Variants in SAMD12 observed in about 807,000 individuals in gnomAD.
The protein encoded by SAMD12 is sterile alpha motif domain-containing protein 12.
A neutral mutation model predicts 15.0 loss-of-function variants in SAMD12; 9 were observed. The ratio of observed to expected loss-of-function variants is 0.60; its 90% CI spans 0.36 to 1.05. The LOEUF is 1.05. Among genes scored for constraint, SAMD12 ranks in the 50% least tolerant of loss-of-function variants. The pLI, the probability that SAMD12 is intolerant of heterozygous loss-of-function variation, is 0.01. For missense variants in SAMD12, 230 were observed against 234.2 expected (o/e 0.98, Z 0.12); for synonymous variants, 86 against 90.1 (o/e 0.96, Z 0.25).
chr8:118,386,171 G>A (rs184592076), intron 3 of SAMD12, among the ~76,000 whole-genome samples: 1 of 152,258 alleles, frequency 6.6e-6, no homozygotes, highest in Admixed American at 6.5e-5. Flanking sequence ...ATTCCTCAGA[G>A]TTCTGGAAGT....
intron 2 of SAMD12, among the ~76,000 whole-genome samples, chr8:118,554,467 G>A: frequency 6.7e-6 from 1 of 150,014 alleles, no homozygotes; most frequent in African/African-American, 2.5e-5. Context: ...CTCATTCATA[G>A]GTGGGAATTG....
chr8:118,185,104 T>C (rs1819221207), downstream of SAMD12, among the ~76,000 whole-genome samples: 1 of 152,174 alleles, frequency 6.6e-6, no homozygotes, highest in South Asian at 2.1e-4. Context: ...GAAAAACTGC[T>C]TCTATAACAC....
intron 2 of SAMD12, among the ~76,000 whole-genome samples, chr8:118,545,595 C>T (rs1043417690): frequency 8.5e-5 from 13 of 152,126 alleles, no homozygotes; most frequent in African/African-American, 1.7e-4. Flanking sequence ...ATAGTCTTCG[C>T]CCAAAGTGGA....
At chr8:118,576,352 C>T (rs1489088877) in intron 2 of SAMD12, among the ~76,000 whole-genome samples, 1 of 152,206 alleles carries the variant, frequency 6.6e-6, no homozygotes, top group Non-Finnish European at 1.5e-5. Flanking sequence ...CCATGCTACT[C>T]ACTCCAGCAT....
intron 4 of SAMD12, among the ~76,000 whole-genome samples, chr8:118,370,835 C>A (rs537961067): frequency 2.6e-5 from 4 of 152,008 alleles, no homozygotes; most frequent in African/African-American, 9.7e-5. Flanking sequence ...TAATGCATGC[C>A]GGGCTTAATA....
chr8:118,520,207 C>A (rs980437267), intron 2 of SAMD12, among the ~76,000 whole-genome samples: 2 of 151,784 alleles, frequency 1.3e-5, no homozygotes, highest in East Asian at 3.9e-4. Flanking sequence ...AAGTACAGTA[C>A]CTGCTTTTAG....
chr8:118,206,249 T>C (rs1819860054), intron 4 of SAMD12, among the ~76,000 whole-genome samples: 1 of 152,184 alleles, frequency 6.6e-6, no homozygotes, highest in African/African-American at 2.4e-5. Context: ...CTTGGCAAAA[T>C]CCATGAACAC....
the SAMD12 span, among the ~76,000 whole-genome samples, chr8:118,135,559 T>C: frequency 2.7e-5 from 4 of 147,920 alleles, no homozygotes; most frequent in South Asian, 8.7e-4. Flanking sequence ...TTTTTCTTTT[T>C]TGAGACATGT....
At chr8:118,399,317 A>G (rs1199258377) in intron 3 of SAMD12, among the ~76,000 whole-genome samples, 1 of 152,126 alleles carries the variant, frequency 6.6e-6, no homozygotes, top group African/African-American at 2.4e-5. Context: ...AATTCCCAGC[A>G]ATAATTAGTT....
chr8:118,374,734 G>A (rs991220278), downstream of SAMD12, among the ~76,000 whole-genome samples: 1 of 152,094 alleles, frequency 6.6e-6, no homozygotes, highest in Non-Finnish European at 1.5e-5. Flanking sequence ...TAGTGATGTT[G>A]AGCATCACTT....
At chr8:118,274,259 A>T (rs888812707) in intron 4 of SAMD12, among the ~76,000 whole-genome samples, 1 of 151,964 alleles carries the variant, frequency 6.6e-6, no homozygotes, top group Non-Finnish European at 1.5e-5. Flanking sequence ...AATTTGGTCA[A>T]ATTCTTATTT....
At chr8:118,404,304 C>T (rs1227946664) in intron 3 of SAMD12, among the ~76,000 whole-genome samples, 1 of 152,144 alleles carries the variant, frequency 6.6e-6, no homozygotes, top group African/African-American at 2.4e-5. Context: ...ATTTACCTTG[C>T]TTGGTATTCT....
At chr8:118,507,633 T>G (rs1824956964) in intron 2 of SAMD12, among the ~76,000 whole-genome samples, 1 of 152,224 alleles carries the variant, frequency 6.6e-6, no homozygotes, top group African/African-American at 2.4e-5. Flanking sequence ...TATAGAGACC[T>G]AGACCCCAAA....
intron 2 of SAMD12, among the ~76,000 whole-genome samples, chr8:118,563,508 C>A (rs926025578): frequency 6.6e-6 from 1 of 152,132 alleles, no homozygotes; most frequent in Non-Finnish European, 1.5e-5. Context: ...AAATAACTAA[C>A]CAGACACAAC....
At chr8:118,231,335 C>T (rs776335749) in intron 4 of SAMD12, among the ~76,000 whole-genome samples, 51 of 152,246 alleles carry the variant, frequency 3.3e-4, no homozygotes, top group Middle Eastern at 3.4e-3. Flanking sequence ...ACTGACAGAT[C>T]ACTTGGCAAG....
intron 1 of SAMD12, among the ~76,000 whole-genome samples, chr8:118,592,259 T>A: frequency 6.6e-6 from 1 of 152,036 alleles, no homozygotes; most frequent in East Asian, 1.9e-4. Flanking sequence ...AGGCAGAGGT[T>A]GTGGTGAGCC....
the SAMD12 span, among the ~76,000 whole-genome samples, chr8:118,141,319 C>T: frequency 6.6e-6 from 1 of 152,206 alleles, no homozygotes; most frequent in African/African-American, 2.4e-5. Flanking sequence ...TTGTTCCTTA[C>T]ATGTTTATGT....
intron 4 of SAMD12, among the ~76,000 whole-genome samples, chr8:118,276,496 T>C (rs1006386579): frequency 1.3e-5 from 2 of 152,228 alleles, no homozygotes; most frequent in African/African-American, 4.8e-5. Context: ...GTGTGTCCCA[T>C]AAACAACATT....
chr8:118,335,610 C>T (rs982253857), intron 4 of SAMD12, among the ~76,000 whole-genome samples: 1 of 152,148 alleles, frequency 6.6e-6, no homozygotes, highest in Non-Finnish European at 1.5e-5. Flanking sequence ...TTCAGTTGTG[C>T]CATGCTATCT....
Sources: allele counts gnomAD v4.1 joint callset (sites outside exome capture counted in the v4.1 genomes callset), GRCh38; gene constraint gnomAD v4.1.1; transcripts MANE v1.5; gene names NCBI Gene and HGNC (gene_info 2026-07-23, HGNC 2026-07-21).